The following GPC6 variants were observed in gnomAD, a reference collection of about 807,000 sequenced individuals.
The protein encoded by GPC6 is glypican 6, also known as glypican-6.
In GPC6, 14 loss-of-function variants were observed where a neutral mutation model predicts 55.2. The ratio of observed to expected loss-of-function variants is 0.25; its 90% CI spans 0.17 to 0.40. GPC6 has a LOEUF of 0.40. Among genes scored for constraint, GPC6 ranks in the 10% least tolerant of loss-of-function variants. GPC6 has a pLI of 1.00. For synonymous variants in GPC6, 278 were observed against 259.6 expected (o/e 1.07, Z -0.68); for missense variants, 641 against 708.5 (o/e 0.90, Z 1.08).
At chr13:94,009,999 C>T (rs532589012) in intron 3 of GPC6, among the ~76,000 whole-genome samples, 4 of 152,122 alleles carry the variant, frequency 2.6e-5, no homozygotes, top group Admixed American at 1.3e-4. Flanking sequence ...ATAGTCTCCT[C>T]GATTCATTTT....
intron 1 of GPC6, among the ~76,000 whole-genome samples, chr13:93,287,578 G>A (rs1314812776): frequency 6.6e-6 from 1 of 152,218 alleles, no homozygotes; most frequent in Admixed American, 6.5e-5. Flanking sequence ...AGATATGAGA[G>A]AGGAGATGTG....
At chr13:93,276,458 CAGAG>C (rs144297308) in intron 1 of GPC6, among the ~76,000 whole-genome samples, 3,465 of 116,978 alleles carry the variant, frequency 0.03, 56 homozygotes, top group East Asian at 0.057. Context: ...CTGGCCTTTT[CAGAG>C]AGAGAGAGAG....
At chr13:94,078,309 A>G (rs987315753) in intron 4 of GPC6, among the ~76,000 whole-genome samples, 1 of 151,930 alleles carries the variant, frequency 6.6e-6, no homozygotes, top group Non-Finnish European at 1.5e-5. Flanking sequence ...TACATTAAAA[A>G]GGAGAATGAT....
At chr13:94,370,479 T>C (rs1566728204) in intron 6 of GPC6, among the ~76,000 whole-genome samples, 1 of 152,218 alleles carries the variant, frequency 6.6e-6, no homozygotes. Context: ...CAGAGTCTAC[T>C]ATAAAACCTG....
At chr13:93,220,791 C>T in the GPC6 span, among the ~76,000 whole-genome samples, 2 of 152,098 alleles carry the variant, frequency 1.3e-5, no homozygotes, top group East Asian at 3.9e-4. Context: ...ATATTTAATA[C>T]CTAAGATGTA....
intron 4 of GPC6, among the ~76,000 whole-genome samples, chr13:94,213,183 A>C (rs1890132558): frequency 6.6e-6 from 1 of 152,090 alleles, no homozygotes; most frequent in Non-Finnish European, 1.5e-5. Flanking sequence ...ACAAACAAAA[A>C]ATACTAAGTC....
chr13:93,453,930 CTT>C (rs1878330425), intron 1 of GPC6, among the ~76,000 whole-genome samples: 1 of 152,140 alleles, frequency 6.6e-6, no homozygotes, highest in Admixed American at 6.5e-5. Context: ...TGCTTTTATT[CTT>C]TTATCTGGCC....
At chr13:93,330,615 A>G (rs1294860086) in intron 1 of GPC6, among the ~76,000 whole-genome samples, 1 of 152,058 alleles carries the variant, frequency 6.6e-6, no homozygotes, top group African/African-American at 2.4e-5. Context: ...TCATGAAGAC[A>G]TACTTGGTCT....
At chr13:94,202,513 T>C (rs929610000) in intron 4 of GPC6, among the ~76,000 whole-genome samples, 1 of 152,148 alleles carries the variant, frequency 6.6e-6, no homozygotes, top group African/African-American at 2.4e-5. Context: ...CTCGTGAGAC[T>C]TATTCACTAC....
At chr13:94,372,075 T>G (rs1306873783) in intron 6 of GPC6, among the ~76,000 whole-genome samples, 1 of 152,036 alleles carries the variant, frequency 6.6e-6, no homozygotes, top group African/African-American at 2.4e-5. Context: ...CCTCCCTCCT[T>G]CCTTCCTTTC....
chr13:94,271,345 A>T (rs1892004974), intron 4 of GPC6, among the ~76,000 whole-genome samples: 1 of 147,288 alleles, frequency 6.8e-6, no homozygotes, highest in Admixed American at 6.8e-5. Flanking sequence ...CTTGCCTCAC[A>T]CTTGTTAAAT....
chr13:93,661,447 C>G (rs1318286532), intron 2 of GPC6, among the ~76,000 whole-genome samples: 1 of 152,112 alleles, frequency 6.6e-6, no homozygotes, highest in Non-Finnish European at 1.5e-5. Context: ...TCCCTGACCT[C>G]AAGTGATCCA....
chr13:93,286,510 A>T (rs1878132100), intron 1 of GPC6, among the ~76,000 whole-genome samples: 2 of 152,184 alleles, frequency 1.3e-5, no homozygotes. Context: ...ACTCTAACAC[A>T]TCTTGTAAAA....
At chr13:94,136,291 C>T (rs1887182255) in intron 4 of GPC6, among the ~76,000 whole-genome samples, 1 of 150,186 alleles carries the variant, frequency 6.7e-6, no homozygotes, top group Middle Eastern at 3.5e-3. Flanking sequence ...AAAATAGAGT[C>T]TTTGGGGGAG....
At chr13:94,230,808 A>G (rs1361827573) in intron 4 of GPC6, among the ~76,000 whole-genome samples, 1 of 152,218 alleles carries the variant, frequency 6.6e-6, no homozygotes, top group African/African-American at 2.4e-5. Flanking sequence ...TGGAGATGAC[A>G]GTAAGAATAG....
At position 94,358,214 on chromosome 13, in the gene GPC6, C is replaced by T. The variant is rs192253533; in HGVS notation, c.1153-24200C>T. ...CTGAGACAGGAGAATCACTTGAACCCGGAAGCAGAGGTTGCAGTGAGCTGA... is the reference window on the plus strand; with the variant it reads ...CTGAGACAGGAGAATCACTTGAACCTGGAAGCAGAGGTTGCAGTGAGCTGA... On this transcript the variant is annotated intron_variant, in intron 6 of 8. Transcript: ENST00000377047. Among the ~76,000 whole-genome samples the T allele has an allele frequency of 5.5e-4, 83 of 150,402 alleles. No individual in the cohort carries two copies. The East Asian group carries it at 5.9e-3, about 11-fold the overall frequency.
intron 3 of GPC6, among the ~76,000 whole-genome samples, chr13:94,016,121 A>G (rs2138705472): frequency 6.6e-6 from 1 of 152,316 alleles, no homozygotes; most frequent in Admixed American, 6.5e-5. Context: ...ACTTCATATA[A>G]GTAGAATCAT....
At chr13:93,584,661 C>A (rs981609128) in intron 2 of GPC6, among the ~76,000 whole-genome samples, 1 of 147,610 alleles carries the variant, frequency 6.8e-6, no homozygotes, top group Non-Finnish European at 1.5e-5. Flanking sequence ...GTATAATGCA[C>A]GTTACCATGT....
At chr13:94,009,261 T>C (rs1882144804) in intron 3 of GPC6, among the ~76,000 whole-genome samples, 1 of 152,180 alleles carries the variant, frequency 6.6e-6, no homozygotes. Context: ...CATAAATGGT[T>C]CACTTGGAAT....
Sources: gnomAD v4.1 joint callset for allele counts (sites outside exome capture counted in the v4.1 genomes callset) on GRCh38, gnomAD v4.1.1 for gene constraint, MANE v1.5 for transcripts, NCBI Gene and HGNC (gene_info 2026-07-23, HGNC 2026-07-21) for gene names.